COL21A1: variants seen among roughly 807,000 people sequenced by gnomAD.
COL21A1 encodes collagen alpha-1(XXI) chain.
COL21A1 carries 149 observed loss-of-function variants against 137.9 expected under a neutral mutation model. The observed-to-expected ratio is 1.08, with a 90% CI of 0.95 to 1.24. The LOEUF (loss-of-function observed/expected upper bound fraction) is 1.24, where lower values mean the gene tolerates loss of function less well. COL21A1 is among the 50% of genes most tolerant of loss of function. COL21A1 has a pLI of 0.00. For synonymous variants in COL21A1, 456 were observed against 391.5 expected (o/e 1.16, Z -1.95); for missense variants, 1,167 against 1,158.4 (o/e 1.01, Z -0.11).
intron 23 of COL21A1, 104 bp from the exon 24 acceptor site, chr6:56,064,726 C>A (rs543319105): frequency 3.3e-6 from 2 of 611,214 alleles, no homozygotes; most frequent in African/African-American, 1.9e-5. Context: ...AGAAACGTAA[C>A]AAAAGCAGCG....
At position 56,157,373 on chromosome 6, in the gene COL21A1, C is replaced by T. The variant is rs954813766; in HGVS notation, c.1372-424G>A. Among the ~76,000 whole-genome samples, 4 of 143,338 alleles carry T rather than the reference C, an allele frequency of 2.8e-5. No homozygotes were observed. The East Asian group carries it at 6.2e-4, about 22-fold the overall frequency. 94.0% of individuals were successfully genotyped at this position (143,338 alleles called of 152,430 possible). ...TCACCCAGGCTGCAGTGCAGTGATG[C>T]GATCTCGGCTCACTGCAACCTCCAC... On this transcript the variant is annotated intron_variant, in intron 9 of 29. Coordinates refer to ENST00000244728, the MANE Select transcript of COL21A1 (RefSeq NM_030820.4).
At chr6:56,068,556 T>A (rs1216549669) in intron 22 of COL21A1, among the ~76,000 whole-genome samples, 1 of 151,614 alleles carries the variant, frequency 6.6e-6, no homozygotes, top group African/African-American at 2.4e-5. Flanking sequence ...CTTGCATTTT[T>A]AAACTCCTTA....
chr6:56,159,144 C>T (rs1776007176), intron 9 of COL21A1, among the ~76,000 whole-genome samples: 1 of 152,124 alleles, frequency 6.6e-6, no homozygotes. Flanking sequence ...TCTTTTTCCA[C>T]TCTAGAGTTA....
intron 1 of COL21A1, among the ~76,000 whole-genome samples, chr6:56,338,727 T>C (rs1765393459): frequency 6.6e-6 from 1 of 152,180 alleles, no homozygotes; most frequent in African/African-American, 2.4e-5. Flanking sequence ...AGAGATTCTC[T>C]TGGAGCCTCT....
chr6:56,125,524 T>C, intron 14 of COL21A1, 43 bp downstream of exon 14: 1 of 1,427,284 alleles, frequency 7.0e-7, no homozygotes, highest in South Asian at 1.3e-5. Context: ...TCCATTACAT[T>C]AAAAGTTCAA....
At position 56,242,809 on chromosome 6, in the gene COL21A1, C is replaced by G. The variant is rs150022651; in HGVS notation, c.-39+4578G>C. On this transcript the variant is annotated intron_variant, in intron 1 of 29. Coordinates refer to ENST00000244728, the MANE Select transcript of COL21A1 (RefSeq NM_030820.4). ...TTGTAAACATATTGCTTTCAGTGCTCTTTAATTAAAGAAATATTTTAAGTA... is the reference window on the plus strand; with the variant it reads ...TTGTAAACATATTGCTTTCAGTGCTGTTTAATTAAAGAAATATTTTAAGTA... Among the ~76,000 whole-genome samples, 825 of 152,182 alleles carry G rather than the reference C, an allele frequency of 5.4e-3. 9 individuals carry two copies. The highest frequency in any genetic ancestry group is 0.017 in the African/African-American group (714 of 41,518).
intron 1 of COL21A1, among the ~76,000 whole-genome samples, chr6:56,263,722 T>C (rs1300382233): frequency 6.6e-6 from 1 of 152,228 alleles, no homozygotes; most frequent in Admixed American, 6.5e-5. Flanking sequence ...AGTTCTATTT[T>C]GTTGTTACCC....
rs1373024052 is a variant in COL21A1, at chr6:56,096,148, G to GC, written c.1812+5323dup. On this transcript the variant is annotated intron_variant, in intron 17 of 29. Transcript: ENST00000244728. ...AGGCATGGGCCACCATGTCTGGCCT[G>GC]CATTTTTTTTTTTTAAACAATGCAT... Among the ~76,000 whole-genome samples, 19 of 25,802 alleles carry GC rather than the reference G, an allele frequency of 7.4e-4. No individual in the cohort carries two copies. The Admixed American group carries it at 0.01, about 14-fold the overall frequency. The allele number at this position is 25,802 out of a possible 152,430, so 16.9% of individuals were successfully genotyped here.
intron 1 of COL21A1, among the ~76,000 whole-genome samples, chr6:56,269,958 C>T (rs1763484508): frequency 6.6e-6 from 1 of 152,184 alleles, no homozygotes; most frequent in Admixed American, 6.5e-5. Flanking sequence ...AAAAGAACGA[C>T]ACCTGCTACC....
At chr6:56,267,785 G>A (rs1280704493) in intron 1 of COL21A1, among the ~76,000 whole-genome samples, 2 of 133,424 alleles carry the variant, frequency 1.5e-5, no homozygotes. Context: ...AGAAGAAGAA[G>A]AAGAAGAGAG....
At chr6:56,122,698 T>C (rs991447188) in intron 16 of COL21A1, among the ~76,000 whole-genome samples, 2 of 152,190 alleles carry the variant, frequency 1.3e-5, no homozygotes, top group Non-Finnish European at 2.9e-5. Context: ...TGAATGCACA[T>C]ACTACCCAGA....
chr6:56,317,963 T>C (rs573689914), intron 1 of COL21A1, among the ~76,000 whole-genome samples: 2 of 152,334 alleles, frequency 1.3e-5, no homozygotes, highest in East Asian at 1.9e-4. Flanking sequence ...AAGTTACAAT[T>C]TGACTCCAAG....
Position 56,179,838 on chromosome 6 carries a change from A to G in COL21A1, c.380T>C (p.Leu127Pro). 1.2e-6 allele frequency: 2 copies of G among 1,613,966 alleles called. No individual in the cohort carries two copies. Among genetic ancestry groups the G allele is most frequent in the East Asian group, 2.2e-5 (1 of 44,882 alleles). Residue 127 changes from leucine to proline, a missense_variant, in exon 3 of 30, where the codon CTT becomes CCT. Leu to Pro is a moderately conservative substitution (Grantham distance 98). Transcript: ENST00000244728. ...GKAIQFALDY[L>P]FAKSSRFLTK... ...CAGAAATCGTGAGGACTTGGCAAAA[A>G]GGTAATCGAGCGCAAACTGGATGGC...
intron 1 of COL21A1, among the ~76,000 whole-genome samples, chr6:56,241,654 A>G (rs1380988949): frequency 6.6e-6 from 1 of 152,184 alleles, no homozygotes; most frequent in Non-Finnish European, 1.5e-5. Flanking sequence ...TACCTTCTCC[A>G]CAATGCTTCT....
intron 1 of COL21A1, among the ~76,000 whole-genome samples, chr6:56,309,823 C>T (rs1764567130): frequency 1.3e-5 from 2 of 152,118 alleles, no homozygotes; most frequent in Non-Finnish European, 2.9e-5. Flanking sequence ...TCCCTAGAAC[C>T]TAGAATATTG....
intron 1 of COL21A1, among the ~76,000 whole-genome samples, chr6:56,226,630 T>G (rs953374821): frequency 1.6e-4 from 25 of 152,016 alleles, no homozygotes; most frequent in African/African-American, 6.0e-4. Context: ...AGTCACACTG[T>G]GAAACCCCAT....
intron 1 of COL21A1, among the ~76,000 whole-genome samples, chr6:56,388,532 A>G (rs1194748862): frequency 2.0e-5 from 3 of 152,230 alleles, no homozygotes; most frequent in Non-Finnish European, 2.9e-5. Context: ...GGAGTTGGCA[A>G]GAGTGACAGT....
chr6:56,188,585 G>C (rs986850812), intron 1 of COL21A1, among the ~76,000 whole-genome samples: 2 of 152,170 alleles, frequency 1.3e-5, no homozygotes, highest in Non-Finnish European at 2.9e-5. Context: ...TTCCCTGCCT[G>C]ACGGCTCTGA....
chr6:56,320,544 C>T (rs929392593), intron 1 of COL21A1, among the ~76,000 whole-genome samples: 75 of 146,316 alleles, frequency 5.1e-4, no homozygotes, highest in African/African-American at 1.9e-3. Flanking sequence ...CACACACACA[C>T]ACACCCCTCC....
Sources: allele counts gnomAD v4.1 joint callset (sites outside exome capture counted in the v4.1 genomes callset), GRCh38; gene constraint gnomAD v4.1.1; transcripts MANE v1.5; gene names NCBI Gene and HGNC (gene_info 2026-07-23, HGNC 2026-07-21).